Variants in SND1 observed in about 807,000 individuals in gnomAD.
SND1 encodes the protein staphylococcal nuclease domain-containing protein 1.
SND1 carries 38 observed loss-of-function variants against 121.7 expected under a neutral mutation model. That is an observed-to-expected ratio of 0.31 (90% confidence interval 0.24 to 0.41). The LOEUF (loss-of-function observed/expected upper bound fraction) is 0.41, where lower values mean the gene tolerates loss of function less well. Ranked by LOEUF, SND1 falls within the 10% of genes least tolerant of loss-of-function variation. The pLI, the probability that SND1 is intolerant of heterozygous loss-of-function variation, is 1.00. For synonymous variants in SND1, 401 were observed against 447.4 expected (o/e 0.90, Z 1.31); for missense variants, 868 against 1,184.6 (o/e 0.73, Z 3.92).
chr7:127,865,039 A>C (rs1194665322), intron 12 of SND1, among the ~76,000 whole-genome samples: 1 of 152,252 alleles, frequency 6.6e-6, no homozygotes, highest in African/African-American at 2.4e-5. Flanking sequence ...CATTATGCTA[A>C]TTCTGGGTAA....
At chr7:127,898,253 C>T (rs1418514545) in intron 13 of SND1, among the ~76,000 whole-genome samples, 2 of 152,080 alleles carry the variant, frequency 1.3e-5, no homozygotes, top group African/African-American at 4.8e-5. Context: ...TGCTTCACTG[C>T]CTCATAATAC....
intron 10 of SND1, among the ~76,000 whole-genome samples, chr7:127,776,964 C>T (rs1250102305): frequency 6.6e-6 from 1 of 152,222 alleles, no homozygotes; most frequent in Non-Finnish European, 1.5e-5. Context: ...TCAGGGAAAG[C>T]ACATTCCTCT....
chr7:127,922,199 T>TTTTTTTTTTTTGTTTTTGTTTTG (rs1554443300), intron 14 of SND1, among the ~76,000 whole-genome samples: 1 of 93,500 alleles, frequency 1.1e-5, no homozygotes. Flanking sequence ...TTTTTTTTTT[T>TTTTTTTTTTTTGTTTTTGTTTTG]TTTTGTTTTG....
At chr7:128,005,138 G>A (rs186433810) in intron 16 of SND1, among the ~76,000 whole-genome samples, 8 of 152,286 alleles carry the variant, frequency 5.3e-5, no homozygotes, top group Admixed American at 2.6e-4. Flanking sequence ...CACCACTAAC[G>A]TGTGACAACT....
Position 127,798,576 on chromosome 7 carries a change from CT to C in SND1, c.1153-8898del, listed in dbSNP as rs199793801. Among the ~76,000 whole-genome samples, 365 of 148,950 alleles carry C rather than the reference CT, an allele frequency of 2.5e-3. 2 individuals are homozygous for C. Among genetic ancestry groups the C allele is most frequent in the African/African-American group, 7.2e-3 (292 of 40,682 alleles). ...TCTCCCATTTTTATTAACCTACTTACTTTTTTTTTTAATTGAACTATTTTGG... is the reference window on the plus strand; with the variant it reads ...TCTCCCATTTTTATTAACCTACTTACTTTTTTTTTAATTGAACTATTTTGG... On this transcript the variant is annotated intron_variant, in intron 10 of 23. Coordinates refer to ENST00000354725, the MANE Select transcript of SND1 (RefSeq NM_014390.4).
intron 1 of SND1, among the ~76,000 whole-genome samples, chr7:127,663,826 T>C (rs1396001011): frequency 6.6e-6 from 1 of 152,220 alleles, no homozygotes; most frequent in Non-Finnish European, 1.5e-5. Flanking sequence ...AATTTTTGAC[T>C]TCCTAAAGTG....
chr7:128,091,892 AC>A lies in SND1; in HGVS notation c.2667+13del, dbSNP rs752867106. On this transcript the variant is annotated intron_variant, in intron 23 of 23. Coordinates refer to ENST00000354725, the MANE Select transcript of SND1 (RefSeq NM_014390.4). ...GCCAAGAGCGCCAGGGTGAGTTCTT[AC>A]CTTGGGAGCCCCCAGAGGGTACCGA... 6.2e-7 allele frequency: 1 copy of A among 1,614,080 alleles called. No individual in the cohort carries two copies. The highest frequency in any genetic ancestry group is 1.1e-5 in the South Asian group (1 of 91,070).
rs989808766 is a variant in SND1, at chr7:127,738,425, C to T, written c.1152+17025C>T. Among the ~76,000 whole-genome samples the T allele has an allele frequency of 2.6e-5, 4 of 151,848 alleles. 1 individual carries two copies. Among genetic ancestry groups the T allele is most frequent in the Admixed American group, 1.3e-4 (2 of 15,224 alleles). ...TCCTAAGTAACTGGTATTACAGGCA[C>T]CTGCCACCACGCTTGTCTAATTTTT... is the stretch of plus-strand genomic sequence containing the variant. On this transcript the variant is annotated intron_variant, in intron 10 of 23. Coordinates refer to ENST00000354725, the MANE Select transcript of SND1 (RefSeq NM_014390.4).
At chr7:127,773,236 G>A (rs1372067575) in intron 10 of SND1, among the ~76,000 whole-genome samples, 3 of 152,288 alleles carry the variant, frequency 2.0e-5, no homozygotes, top group African/African-American at 2.4e-5. Flanking sequence ...GGCGGATCAC[G>A]AGGTCAGGAG....
chr7:127,700,998 A>G (rs758818895), intron 4 of SND1, among the ~76,000 whole-genome samples, 165 bp from the exon 5 acceptor site: 13 of 152,312 alleles, frequency 8.5e-5, no homozygotes, highest in South Asian at 6.2e-4. Context: ...AGAAATTGCA[A>G]TCATGGTGAT....
intron 10 of SND1, among the ~76,000 whole-genome samples, chr7:127,730,561 C>G (rs1214820366): frequency 1.3e-5 from 2 of 152,276 alleles, no homozygotes; most frequent in Admixed American, 1.3e-4. Flanking sequence ...ACATTGGTCT[C>G]AGAATCTGCT....
chr7:127,747,164 A>G (rs1478782406), intron 10 of SND1, among the ~76,000 whole-genome samples: 2 of 152,198 alleles, frequency 1.3e-5, no homozygotes, highest in African/African-American at 2.4e-5. Context: ...TTGCAGGGCT[A>G]CTTTCCAGGT....
At chr7:128,032,728 C>T (rs1554460260) in intron 16 of SND1, among the ~76,000 whole-genome samples, 1 of 152,122 alleles carries the variant, frequency 6.6e-6, no homozygotes, top group Non-Finnish European at 1.5e-5. Flanking sequence ...CGGGGGACGG[C>T]GGCCGGGGCC....
intron 16 of SND1, among the ~76,000 whole-genome samples, chr7:128,032,995 T>C (rs778260830): frequency 6.6e-6 from 1 of 152,178 alleles, no homozygotes; most frequent in Non-Finnish European, 1.5e-5. Context: ...CGTTCATTCA[T>C]GGAGCTGCAG....
chr7:127,922,430 G>T (rs1800739907), intron 14 of SND1, among the ~76,000 whole-genome samples: 1 of 152,010 alleles, frequency 6.6e-6, no homozygotes. Flanking sequence ...TCTAAACATA[G>T]AGATGTGTCT....
chr7:127,811,925 A>G (rs1798341807), intron 11 of SND1, among the ~76,000 whole-genome samples: 1 of 152,164 alleles, frequency 6.6e-6, no homozygotes, highest in African/African-American at 2.4e-5. Flanking sequence ...CATTTGATAG[A>G]ATGCCGATTA....
At chr7:127,736,609 G>A (rs1013223036) in intron 10 of SND1, among the ~76,000 whole-genome samples, 19 of 152,180 alleles carry the variant, frequency 1.2e-4, no homozygotes, top group African/African-American at 4.1e-4. Context: ...CAATGTATGC[G>A]GTTTGTACCA....
intron 16 of SND1, among the ~76,000 whole-genome samples, chr7:128,045,062 A>G (rs536328947): frequency 2.0e-5 from 3 of 152,348 alleles, no homozygotes; most frequent in East Asian, 1.9e-4. Context: ...TAGCGTGGAA[A>G]CTAGAGGCAG....
intron 10 of SND1, among the ~76,000 whole-genome samples, chr7:127,802,172 C>G (rs1798144816): frequency 6.6e-6 from 1 of 152,112 alleles, no homozygotes; most frequent in East Asian, 1.9e-4. Flanking sequence ...CCCCAAAATT[C>G]AACTACTAAT....
Sources: allele counts gnomAD v4.1 joint callset (sites outside exome capture counted in the v4.1 genomes callset), GRCh38; gene constraint gnomAD v4.1.1; transcripts MANE v1.5; gene names NCBI Gene and HGNC (gene_info 2026-07-23, HGNC 2026-07-21).